Variants in CREB3L3 observed in about 807,000 individuals in gnomAD.
CREB3L3 encodes the protein cAMP responsive element binding protein 3 like 3.
In CREB3L3, 40 loss-of-function variants were observed where a neutral mutation model predicts 44.6. That is an observed-to-expected ratio of 0.90 (90% CI 0.70 to 1.17). CREB3L3 has a LOEUF of 1.17. CREB3L3 is among the 50% of genes most tolerant of loss of function. CREB3L3 has a pLI of 0.00. For synonymous variants in CREB3L3, 273 were observed against 256.3 expected (o/e 1.06, Z -0.62); for missense variants, 578 against 595.8 (o/e 0.97, Z 0.31).
intron 5 of CREB3L3, among the ~76,000 whole-genome samples, chr19:4,166,811 T>C (rs1346808078): frequency 6.6e-6 from 1 of 151,552 alleles, no homozygotes; most frequent in Non-Finnish European, 1.5e-5. Flanking sequence ...CTTGAACTCC[T>C]GGTCTCAAGG....
At chr19:4,153,876 G>C in intron 1 of CREB3L3, 102 bp downstream of exon 1, 1 of 1,317,542 alleles carries the variant, frequency 7.6e-7, no homozygotes, top group South Asian at 1.2e-5. Flanking sequence ...CTATTGTACA[G>C]ATGGGAAGAC....
rs535957700 is a variant in CREB3L3 at position 4,153,943 on chromosome 19, C to T, written c.27+169C>T. On this transcript the variant is annotated intron_variant, in intron 1 of 9. Coordinates refer to ENST00000078445, the MANE Select transcript of CREB3L3 (RefSeq NM_032607.3). ...ACTGTGTGCCTTTGCCCCGGGGCTG[C>T]CCTTGTCTTTCTTCCAGGTCCCCCT... 5.3e-5 allele frequency among the ~76,000 whole-genome samples: 8 copies of T among 152,264 alleles called. No homozygotes were observed. In the South Asian group the frequency reaches 1.5e-3, roughly 28 times the overall value.
At chr19:4,154,822 G>T in intron 1 of CREB3L3, 77 bp from the exon 2 acceptor site, 1 of 1,606,518 alleles carries the variant, frequency 6.2e-7, no homozygotes, top group Non-Finnish European at 8.5e-7. Context: ...GCCGGAAAGA[G>T]CCAGGGTTAT....
At chr19:4,170,090 C>T (rs1967009720) in intron 6 of CREB3L3, 50 bp from the exon 7 acceptor site, 5 of 1,581,664 alleles carry the variant, frequency 3.2e-6, no homozygotes, top group African/African-American at 1.3e-5. Flanking sequence ...TCAGTGGGGC[C>T]AGCTGGTGAC....
chr19:4,167,375 A>G (rs1286810776), intron 5 of CREB3L3, among the ~76,000 whole-genome samples: 2 of 150,340 alleles, frequency 1.3e-5, no homozygotes, highest in Non-Finnish European at 3.0e-5. Flanking sequence ...AGAGAGAGAG[A>G]AAAGGAAGGA....
Position 4,171,008 on chromosome 19 carries a change from C to A in CREB3L3, c.891-83C>A. ...AGAATGGATGGAATTTGGACTTTAG[C>A]GGGGCTGGGGGACCCCGGAAATGGA... On this transcript the variant is annotated intron_variant, in intron 7 of 9. Coordinates refer to ENST00000078445, the MANE Select transcript of CREB3L3 (RefSeq NM_032607.3). The surrounding 1 kb of genome is among the most constrained non-coding windows in gnomAD (Gnocchi z 4.9). 2 of 982,932 alleles carry A rather than the reference C, an allele frequency of 2.0e-6. No homozygotes were observed. Among genetic ancestry groups the A allele is most frequent in the Non-Finnish European group, 3.3e-6 (2 of 603,994 alleles). The allele number at this position is 982,932 out of a possible 1,614,324, so 60.9% of individuals were successfully genotyped here.
At chr19:4,162,857 G>C (rs1187960106) in intron 4 of CREB3L3, among the ~76,000 whole-genome samples, 3 of 152,118 alleles carry the variant, frequency 2.0e-5, no homozygotes, top group African/African-American at 7.2e-5. Context: ...ACGCTCTGTG[G>C]TTCCAGCTAC....
At chr19:4,156,083 C>T (rs1291237255) in intron 2 of CREB3L3, among the ~76,000 whole-genome samples, 1 of 480 alleles carries the variant, frequency 2.1e-3, no homozygotes, top group Non-Finnish European at 4.3e-3. Flanking sequence ...TCTCTCGTTT[C>T]TCTCTCTCTC....
rs770242823 is a variant in CREB3L3 at position 4,172,438 on chromosome 19, C to CAGAG, written c.*472_*473insGAGA. 69 of 287,460 alleles carry CAGAG rather than the reference C, an allele frequency of 2.4e-4. No homozygotes were observed. The Middle Eastern group carries it at 3.8e-3, about 16-fold the overall frequency. The allele number at this position is 287,460 out of a possible 1,614,324, so 17.8% of individuals were successfully genotyped here. ...AGACAGAAACAGCCTGAAACAGACC[C>CAGAG]AGACAGACAGACAGACACAGCCTGA... On this transcript the variant is annotated 3_prime_UTR_variant, in exon 10 of 10. Transcript: ENST00000078445.
At chr19:4,166,162 C>T (rs1222810007) in intron 5 of CREB3L3, among the ~76,000 whole-genome samples, 1 of 151,034 alleles carries the variant, frequency 6.6e-6, no homozygotes, top group South Asian at 2.1e-4. Context: ...GATCTTGGCT[C>T]ACTCCAACTT....
intron 5 of CREB3L3, among the ~76,000 whole-genome samples, chr19:4,166,743 C>CT (rs924533286): frequency 1.3e-5 from 2 of 150,392 alleles, no homozygotes; most frequent in Non-Finnish European, 3.0e-5. Context: ...TAGGATCTCA[C>CT]TTTGTCGCTC....
chr19:4,171,804 C>T lies in CREB3L3; in HGVS notation c.1221C>T (p.Asp407=). 1.2e-6 allele frequency: 2 copies of T among 1,613,620 alleles called. No individual in the cohort carries two copies. The highest frequency in any genetic ancestry group is 1.7e-6 in the Non-Finnish European group (2 of 1,180,004). The change falls in exon 10 of 10, where the codon GAC becomes GAT. Residue 407 remains aspartate (D), a synonymous_variant. Coordinates refer to ENST00000078445, the MANE Select transcript of CREB3L3 (RefSeq NM_032607.3). The surrounding 1 kb of genome is among the most constrained non-coding windows in gnomAD (Gnocchi z 4.9). Reference sequence around the variant, plus strand: ...CCGGGGCAGACTGGGGCTTCCAGGACACCGCGAACCTGACCAATTCGACGG... The same window carrying T: ...CCGGGGCAGACTGGGGCTTCCAGGATACCGCGAACCTGACCAATTCGACGG... ...GSPGADWGFQ[D]TANLTNSTEE...
intron 5 of CREB3L3, 64 bp from the exon 6 acceptor site, chr19:4,168,287 C>A: frequency 7.8e-7 from 1 of 1,289,390 alleles, no homozygotes; most frequent in Non-Finnish European, 1.1e-6. Context: ...GCGAGAGCTA[C>A]TGCCCCCGGA....
Position 4,171,202 on chromosome 19 carries a change from C to T in CREB3L3, c.975+27C>T, listed in dbSNP as rs1031253143. On this transcript the variant is annotated intron_variant, in intron 8 of 9. Coordinates refer to ENST00000078445, the MANE Select transcript of CREB3L3 (RefSeq NM_032607.3). This position sits in a 1 kb window ranked among gnomAD's most constrained non-coding sequence, Gnocchi z 4.9. ...TGAGTCCTGGTGCCCCCAGGCAAGC[C>T]GGGGACCTAGGCTTCTGTAGAGGGG... The T allele has an allele frequency of 5.0e-5, 80 of 1,601,436 alleles. No homozygotes were observed. Among genetic ancestry groups the T allele is most frequent in the African/African-American group, 1.1e-4 (8 of 74,618 alleles).
intron 4 of CREB3L3, among the ~76,000 whole-genome samples, chr19:4,161,128 T>C (rs1447752153): frequency 6.6e-6 from 1 of 151,856 alleles, no homozygotes; most frequent in Non-Finnish European, 1.5e-5. Flanking sequence ...TTAGCCAGGA[T>C]TTTTTTTGTA....
chr19:4,160,923 T>G (rs1241990912), intron 4 of CREB3L3, among the ~76,000 whole-genome samples: 1 of 136,994 alleles, frequency 7.3e-6, no homozygotes, highest in Non-Finnish European at 1.5e-5. Flanking sequence ...TTTTTTTTTT[T>G]TTTTTTGAGA....
intron 5 of CREB3L3, among the ~76,000 whole-genome samples, chr19:4,166,513 C>T (rs1052058481): frequency 2.7e-5 from 4 of 148,664 alleles, no homozygotes; most frequent in African/African-American, 1.0e-4. Context: ...ATCTGCCCAG[C>T]TCAGCCTCCC....
chr19:4,153,966 C>T (rs1433305355), intron 1 of CREB3L3, among the ~76,000 whole-genome samples, 192 bp downstream of exon 1: 1 of 152,156 alleles, frequency 6.6e-6, no homozygotes, highest in East Asian at 1.9e-4. Flanking sequence ...TCCAGGTCCC[C>T]CTGCCTCCTA....
intron 4 of CREB3L3, among the ~76,000 whole-genome samples, chr19:4,163,168 C>A (rs899966247): frequency 2.0e-5 from 3 of 150,946 alleles, no homozygotes; most frequent in Non-Finnish European, 4.4e-5. Context: ...ATTAGCCGGG[C>A]GTGGTGGCGG....
Sources: allele counts gnomAD v4.1 joint callset (sites outside exome capture counted in the v4.1 genomes callset), GRCh38; gene constraint gnomAD v4.1.1; non-coding constraint Gnocchi (gnomAD v3.1); transcripts MANE v1.5; gene names NCBI Gene and HGNC (gene_info 2026-07-23, HGNC 2026-07-21).